The following COG5 variants were observed in gnomAD, a reference collection of about 807,000 sequenced individuals.
COG5 encodes conserved oligomeric Golgi complex subunit 5.
COG5 carries 86 observed loss-of-function variants against 110.4 expected under a neutral mutation model. That is an observed-to-expected ratio of 0.78 (90% CI 0.65 to 0.93). The LOEUF is 0.93. Among genes scored for constraint, COG5 ranks in the 40% least tolerant of loss-of-function variants. The probability of loss-of-function intolerance (pLI) is 0.00; values close to 1 mark genes in which losing one functional copy is unlikely to be tolerated. For synonymous variants in COG5, 360 were observed against 334.6 expected, an observed-to-expected ratio of 1.08 and a Z score of -0.83; for missense variants, 1,077 against 987.0, an observed-to-expected ratio of 1.09 and a Z score of -1.22.
intron 8 of COG5, among the ~76,000 whole-genome samples, chr7:107,371,674 G>C (rs887541698): frequency 2.6e-5 from 4 of 152,060 alleles, no homozygotes; most frequent in African/African-American, 9.7e-5. Context: ...TAGAGCTGAA[G>C]AAAGAAATTA....
intron 3 of COG5, among the ~76,000 whole-genome samples, chr7:107,551,920 A>C (rs1802918250): frequency 6.6e-6 from 1 of 152,196 alleles, no homozygotes; most frequent in South Asian, 2.1e-4. Flanking sequence ...CCTGGCCTAC[A>C]CTTCAATCTT....
At chr7:107,302,236 A>G (rs1414530978) in intron 11 of COG5, among the ~76,000 whole-genome samples, 1 of 152,184 alleles carries the variant, frequency 6.6e-6, no homozygotes, top group Non-Finnish European at 1.5e-5. Context: ...TCTCAATAAA[A>G]TCATGCTGCA....
chr7:107,372,678 C>T lies in COG5; in HGVS notation c.752G>A (p.Gly251Glu). The T allele has an allele frequency of 6.2e-7, 1 of 1,613,472 alleles. No homozygotes were observed. Among genetic ancestry groups the T allele is most frequent in the South Asian group, 1.1e-5 (1 of 91,060 alleles). ...ATTTTCTTCTAAAGTAGCACAATAT[C>T]CATCCACAACACTGGTAATAGTATC... ...LKDTITSVVD[G>E]YCATLEENIN... Residue 251 changes from glycine to glutamate, a missense_variant, in exon 8 of 22, where the codon GGA becomes GAA. Transcript: ENST00000297135.
chr7:107,363,324 TTG>T (rs1813293988), intron 8 of COG5, among the ~76,000 whole-genome samples: 1 of 152,180 alleles, frequency 6.6e-6, no homozygotes, highest in African/African-American at 2.4e-5. Flanking sequence ...GTGGTAGATA[TTG>T]TGCCAGTGAG....
chr7:107,536,750 T>C (rs1214671269), intron 5 of COG5, among the ~76,000 whole-genome samples: 2 of 152,176 alleles, frequency 1.3e-5, no homozygotes, highest in Non-Finnish European at 2.9e-5. Context: ...TTCACAGAAT[T>C]AGAAAAAACT....
chr7:107,545,964 T>C (rs1802406298), intron 5 of COG5, among the ~76,000 whole-genome samples: 1 of 152,104 alleles, frequency 6.6e-6, no homozygotes, highest in Non-Finnish European at 1.5e-5. Flanking sequence ...ATAGATCATA[T>C]GTTAGACCAG....
intron 6 of COG5, among the ~76,000 whole-genome samples, chr7:107,508,551 G>A (rs1020277755): frequency 1.1e-4 from 17 of 152,232 alleles, no homozygotes; most frequent in African/African-American, 4.1e-4. Flanking sequence ...CCACTACGCA[G>A]CTGGAGATCT....
At chr7:107,504,346 A>C (rs184975265) in intron 6 of COG5, among the ~76,000 whole-genome samples, 67 of 151,968 alleles carry the variant, frequency 4.4e-4, no homozygotes, top group African/African-American at 1.4e-3. Context: ...CTGAAATAAA[A>C]CCCCTCGATC....
intron 5 of COG5, among the ~76,000 whole-genome samples, chr7:107,531,561 A>G (rs899156445): frequency 6.6e-5 from 10 of 151,988 alleles, no homozygotes; most frequent in African/African-American, 2.4e-4. Flanking sequence ...ATAAATACTT[A>G]ATCTTTCCCT....
intron 17 of COG5, among the ~76,000 whole-genome samples, chr7:107,237,074 G>C (rs1372585126): frequency 6.6e-6 from 1 of 152,140 alleles, no homozygotes; most frequent in Non-Finnish European, 1.5e-5. Context: ...ATCAATAATG[G>C]ATCCTGAAAT....
chr7:107,237,720 C>T (rs1435441254), intron 17 of COG5, among the ~76,000 whole-genome samples: 1 of 152,166 alleles, frequency 6.6e-6, no homozygotes, highest in Non-Finnish European at 1.5e-5. Flanking sequence ...TAAGACTGTG[C>T]CAACAACAGC....
chr7:107,447,839 A>G (rs1327084128), intron 6 of COG5, among the ~76,000 whole-genome samples: 1 of 152,200 alleles, frequency 6.6e-6, no homozygotes, highest in Non-Finnish European at 1.5e-5. Flanking sequence ...GTCTTCAAAA[A>G]TAACTTTCCA....
chr7:107,380,146 G>A (rs1814986749), intron 7 of COG5, among the ~76,000 whole-genome samples: 1 of 151,898 alleles, frequency 6.6e-6, no homozygotes, highest in Non-Finnish European at 1.5e-5. Context: ...CAGACACAAT[G>A]TACCAGAAAC....
intron 10 of COG5, among the ~76,000 whole-genome samples, chr7:107,342,066 C>T (rs1811208431): frequency 6.6e-6 from 1 of 152,010 alleles, no homozygotes; most frequent in South Asian, 2.1e-4. Context: ...GTAAAAGAAG[C>T]TATCAAAAGA....
chr7:107,357,011 T>C (rs1380419567), intron 10 of COG5, among the ~76,000 whole-genome samples: 1 of 152,158 alleles, frequency 6.6e-6, no homozygotes, highest in Admixed American at 6.5e-5. Context: ...AAGAGATATA[T>C]CGTTGTCTAC....
At chr7:107,559,199 G>A (rs1334531621) in intron 1 of COG5, among the ~76,000 whole-genome samples, 2 of 151,948 alleles carry the variant, frequency 1.3e-5, no homozygotes, top group African/African-American at 4.8e-5. Context: ...GTTTAAAATA[G>A]GCCCCTAATA....
chr7:107,513,277 G>A (rs914666496), intron 6 of COG5, among the ~76,000 whole-genome samples: 1 of 152,110 alleles, frequency 6.6e-6, no homozygotes, highest in Non-Finnish European at 1.5e-5. Flanking sequence ...CATTTATGCA[G>A]CCAAAAGACA....
At chr7:107,368,556 T>A (rs1813837823) in intron 8 of COG5, among the ~76,000 whole-genome samples, 2 of 152,140 alleles carry the variant, frequency 1.3e-5, no homozygotes, top group Admixed American at 1.3e-4. Flanking sequence ...TACATGTTTA[T>A]GTTTTTCTTT....
chr7:107,273,608 A>G (rs1365383411), intron 14 of COG5, among the ~76,000 whole-genome samples: 4 of 152,220 alleles, frequency 2.6e-5, no homozygotes, highest in Non-Finnish European at 5.9e-5. Flanking sequence ...GAACATCTGG[A>G]AAAACTAAAT....
Sources: allele counts gnomAD v4.1 joint callset (sites outside exome capture counted in the v4.1 genomes callset), GRCh38; gene constraint gnomAD v4.1.1; transcripts MANE v1.5; gene names NCBI Gene and HGNC (gene_info 2026-07-23, HGNC 2026-07-21).